Variants in NRCAM observed in about 807,000 individuals in gnomAD.
The protein encoded by NRCAM is NgCAM-related cell adhesion molecule.
Under a neutral mutation model 156.5 loss-of-function variants are expected in NRCAM, and 83 were observed. The observed-to-expected ratio is 0.53, with a 90% CI of 0.44 to 0.64. The LOEUF (loss-of-function observed/expected upper bound fraction) is 0.64. Ranked by LOEUF, NRCAM falls within the 30% of genes least tolerant of loss-of-function variation. NRCAM has a pLI of 0.00. For missense variants in NRCAM, 1,417 were observed against 1,597.3 expected, an observed-to-expected ratio of 0.89 and a Z score of 1.92; for synonymous variants, 538 against 563.9, an observed-to-expected ratio of 0.95 and a Z score of 0.65.
At chr7:108,188,700 A>T (rs1256961854) in intron 20 of NRCAM, among the ~76,000 whole-genome samples, 1 of 142,584 alleles carries the variant, frequency 7.0e-6, no homozygotes, top group African/African-American at 2.5e-5. Flanking sequence ...CCAATGAGCT[A>T]GAAGACTGGG....
chr7:108,308,126 T>C (rs1250333476), intron 3 of NRCAM, among the ~76,000 whole-genome samples: 1 of 152,338 alleles, frequency 6.6e-6, no homozygotes, highest in African/African-American at 2.4e-5. Context: ...GGGATGCCAT[T>C]TATAACTTTC....
intron 3 of NRCAM, among the ~76,000 whole-genome samples, chr7:108,252,899 T>C (rs1348283390): frequency 6.6e-6 from 1 of 152,232 alleles, no homozygotes; most frequent in Non-Finnish European, 1.5e-5. Context: ...ATCTCTACAT[T>C]GCATGCTGAA....
intron 3 of NRCAM, among the ~76,000 whole-genome samples, chr7:108,269,257 T>C (rs1052566660): frequency 1.3e-5 from 2 of 152,140 alleles, no homozygotes; most frequent in African/African-American, 4.8e-5. Context: ...AGGATCAGCA[T>C]TGCTGATTTT....
At chr7:108,155,328 A>G (rs2044658733) in intron 32 of NRCAM, among the ~76,000 whole-genome samples, 2 of 151,888 alleles carry the variant, frequency 1.3e-5, no homozygotes, top group Non-Finnish European at 2.9e-5. Context: ...AAATATATAC[A>G]TATTATATAA....
rs547745381 is a variant in NRCAM, at chr7:108,321,097, T to TG, written c.-173-8367dup. ...TTGTATAGGTTTGGCTCATATAACT[T>TG]GCATAATTCATCTTTTAACCACACT... On this transcript the variant is annotated intron_variant, in intron 2 of 32. Coordinates refer to ENST00000379028, the MANE Select transcript of NRCAM (RefSeq NM_001037132.4). Among the ~76,000 whole-genome samples the TG allele has an allele frequency of 1.6e-3, 244 of 152,340 alleles. 1 individual carries two copies. Among genetic ancestry groups the TG allele is most frequent in the South Asian group, 5.2e-3 (25 of 4,834 alleles).
At chr7:108,310,676 G>C (rs1371133959) in intron 3 of NRCAM, among the ~76,000 whole-genome samples, 1 of 152,202 alleles carries the variant, frequency 6.6e-6, no homozygotes, top group African/African-American at 2.4e-5. Context: ...CTGAGTATAA[G>C]TGTGCTTTAG....
At chr7:108,239,154 G>A (rs1470341026) in intron 4 of NRCAM, among the ~76,000 whole-genome samples, 1 of 152,140 alleles carries the variant, frequency 6.6e-6, no homozygotes, top group Non-Finnish European at 1.5e-5. Flanking sequence ...CAGGAAAAGT[G>A]ACTGGGTGGA....
chr7:108,429,461 G>C (rs1821996561), intron 1 of NRCAM, among the ~76,000 whole-genome samples: 1 of 152,078 alleles, frequency 6.6e-6, no homozygotes, highest in Non-Finnish European at 1.5e-5. Flanking sequence ...CAAACTGTTG[G>C]GATTACAGGC....
At chr7:108,312,932 A>G (rs1385360341) in intron 2 of NRCAM, among the ~76,000 whole-genome samples, 1 of 152,196 alleles carries the variant, frequency 6.6e-6, no homozygotes, top group Non-Finnish European at 1.5e-5. Context: ...CAGAGAAGTG[A>G]CCAGAACTCT....
At chr7:108,337,378 T>C (rs990434077) in intron 2 of NRCAM, among the ~76,000 whole-genome samples, 4 of 152,340 alleles carry the variant, frequency 2.6e-5, no homozygotes, top group African/African-American at 9.6e-5. Flanking sequence ...CCATGTTTGT[T>C]ACGGCTCGAG....
rs143670293 is a variant in NRCAM at position 108,451,219 on chromosome 7, C to CA, written c.-332+5023dup. On this transcript the variant is annotated intron_variant, in intron 1 of 32. Coordinates refer to ENST00000379028, the MANE Select transcript of NRCAM (RefSeq NM_001037132.4). ...AAGTGACAGGGCGAGACTCCGTCTC[C>CA]AAAAAAAAAAAAACAAAGAAAGAAA... Among the ~76,000 whole-genome samples, 861 of 106,802 alleles carry CA rather than the reference C, an allele frequency of 8.1e-3. 11 individuals are homozygous for CA. Among genetic ancestry groups the CA allele is most frequent in the East Asian group, 0.066 (224 of 3,374 alleles). The allele number at this position is 106,802 out of a possible 152,430, so 70.1% of individuals were successfully genotyped here.
At chr7:108,314,237 T>C (rs2098847127) in intron 2 of NRCAM, among the ~76,000 whole-genome samples, 1 of 152,220 alleles carries the variant, frequency 6.6e-6, no homozygotes, top group African/African-American at 2.4e-5. Flanking sequence ...TGTATTACCA[T>C]GTCAGCAATT....
chr7:108,331,803 C>T (rs2099129949), intron 2 of NRCAM, among the ~76,000 whole-genome samples: 1 of 152,148 alleles, frequency 6.6e-6, no homozygotes, highest in African/African-American at 2.4e-5. Context: ...ATTTAGCAGG[C>T]CTTTATAATG....
chr7:108,178,165 T>C, intron 25 of NRCAM, 53 bp from the exon 26 acceptor site: 9 of 1,578,320 alleles, frequency 5.7e-6, no homozygotes, highest in Non-Finnish European at 7.8e-6. Flanking sequence ...TTTCAACATG[T>C]ATTAAATTGA....
chr7:108,292,942 A>G (rs1257986482), intron 3 of NRCAM, among the ~76,000 whole-genome samples: 3 of 152,210 alleles, frequency 2.0e-5, no homozygotes, highest in African/African-American at 7.2e-5. Context: ...AAAAGACATT[A>G]AACCCAATCT....
chr7:108,177,366 G>A (rs1313804762), intron 26 of NRCAM, among the ~76,000 whole-genome samples: 4 of 152,174 alleles, frequency 2.6e-5, no homozygotes, highest in Non-Finnish European at 5.9e-5. Flanking sequence ...GCTCACGCCT[G>A]TAATCCCAGC....
At chr7:108,304,121 G>A (rs570265278) in intron 3 of NRCAM, among the ~76,000 whole-genome samples, 6 of 152,204 alleles carry the variant, frequency 3.9e-5, no homozygotes, top group African/African-American at 1.2e-4. Flanking sequence ...GCTTTAAACA[G>A]GTTTACTTGT....
At chr7:108,391,319 A>C (rs1042874044) in intron 2 of NRCAM, among the ~76,000 whole-genome samples, 3 of 152,108 alleles carry the variant, frequency 2.0e-5, no homozygotes, top group Non-Finnish European at 4.4e-5. Flanking sequence ...TCCCTTTACC[A>C]TTATGTAATG....
At chr7:108,204,207 T>C (rs2079764588) in intron 13 of NRCAM, among the ~76,000 whole-genome samples, 1 of 152,196 alleles carries the variant, frequency 6.6e-6, no homozygotes, top group Non-Finnish European at 1.5e-5. Context: ...GCTCCTTAAA[T>C]GTCTATTAAT....
Sources: gnomAD v4.1 joint callset for allele counts (sites outside exome capture counted in the v4.1 genomes callset) on GRCh38, gnomAD v4.1.1 for gene constraint, MANE v1.5 for transcripts, NCBI Gene and HGNC (gene_info 2026-07-23, HGNC 2026-07-21) for gene names.